NUP210L: variants seen among roughly 807,000 people sequenced by gnomAD.
NUP210L encodes the protein nucleoporin 210 like.
A neutral mutation model predicts 208.5 loss-of-function variants in NUP210L; 74 were observed. The ratio of observed to expected loss-of-function variants is 0.35; its 90% CI spans 0.29 to 0.43. The LOEUF (loss-of-function observed/expected upper bound fraction) is 0.43, where lower values mean the gene tolerates loss of function less well. Ranked by LOEUF, NUP210L falls within the 20% of genes least tolerant of loss-of-function variation. The probability of loss-of-function intolerance (pLI) is 1.00; values close to 1 mark genes in which losing one functional copy is unlikely to be tolerated. For missense variants in NUP210L, 1,843 were observed against 2,289.4 expected, an observed-to-expected ratio of 0.81 and a Z score of 3.98; for synonymous variants, 780 against 816.9, an observed-to-expected ratio of 0.95 and a Z score of 0.77.
At chr1:154,040,310 A>G (rs1175639110) in intron 27 of NUP210L, among the ~76,000 whole-genome samples, 1 of 152,094 alleles carries the variant, frequency 6.6e-6, no homozygotes, top group Non-Finnish European at 1.5e-5. Flanking sequence ...ATGCTGAGGC[A>G]GGAGGATCGC....
At chr1:154,037,028 G>T (rs528244814) in intron 27 of NUP210L, among the ~76,000 whole-genome samples, 1 of 152,268 alleles carries the variant, frequency 6.6e-6, no homozygotes, top group East Asian at 1.9e-4. Flanking sequence ...CTCCCAAAGT[G>T]CTGGGAATTA....
chr1:154,066,689 T>C (rs1654437050), intron 17 of NUP210L, among the ~76,000 whole-genome samples: 1 of 152,050 alleles, frequency 6.6e-6, no homozygotes, highest in African/African-American at 2.4e-5. Context: ...ATTGATAGAC[T>C]GCTAGAAAAA....
chr1:154,054,447 G>A, intron 24 of NUP210L, 40 bp from the exon 25 acceptor site: 3 of 1,578,096 alleles, frequency 1.9e-6, no homozygotes. Flanking sequence ...AGAACATGAG[G>A]GAGAAATCAT....
chr1:154,073,569 C>T (rs529298760), intron 16 of NUP210L, among the ~76,000 whole-genome samples: 6 of 152,050 alleles, frequency 3.9e-5, no homozygotes, highest in African/African-American at 1.4e-4. Context: ...AATCTCAGCA[C>T]TTTGGGATGC....
intron 16 of NUP210L, among the ~76,000 whole-genome samples, chr1:154,083,437 C>T (rs894019758): frequency 5.3e-5 from 8 of 152,148 alleles, no homozygotes; most frequent in African/African-American, 1.9e-4. Context: ...ATTAATTGAA[C>T]CCAAAGAGGT....
chr1:154,060,669 C>T, intron 19 of NUP210L, 28 bp from the exon 20 acceptor site: 1 of 1,440,472 alleles, frequency 6.9e-7, no homozygotes, highest in South Asian at 1.2e-5. Flanking sequence ...AAACAATATT[C>T]TGTTTGCTTC....
In NUP210L at chr1:154,071,538, G is replaced by A. The variant is rs184926664; in HGVS notation, c.2362-1073C>T. 1.7e-3 allele frequency among the ~76,000 whole-genome samples: 259 copies of A among 149,428 alleles called. 3 individuals are homozygous for A. Among genetic ancestry groups the A allele is most frequent in the Non-Finnish European group, 2.9e-3 (197 of 67,724 alleles). ...TTCCTACTTATGAGTAAGAGCACAC[G>A]ATGTTTGGTTTTCCATTCCTGAGCT... On this transcript the variant is annotated intron_variant, in intron 16 of 39. Coordinates refer to ENST00000368559, the Ensembl canonical transcript of NUP210L.
intron 20 of NUP210L, 94 bp from the exon 21 acceptor site, chr1:154,058,787 T>C (rs1653999985): frequency 7.7e-7 from 1 of 1,299,674 alleles, no homozygotes; most frequent in South Asian, 1.4e-5. Context: ...ATAGAAAACA[T>C]CTTGCTTTCT....
intron 22 of NUP210L, among the ~76,000 whole-genome samples, chr1:154,057,690 A>ATGTGTGTGTGTG (rs4060104): frequency 4.6e-4 from 58 of 125,482 alleles, no homozygotes; most frequent in East Asian, 3.3e-3. Flanking sequence ...AGGACCTCGA[A>ATGTGTGTGTGTG]TGTGTGTGTG....
exon 17 of NUP210L, chr1:154,070,302 T>G (rs1315424665): frequency 1.2e-6 from 2 of 1,610,456 alleles, no homozygotes; most frequent in East Asian, 2.2e-5. Context: ...ACTGCCATCA[T>G]CTTTTGCTAC....
intron 17 of NUP210L, among the ~76,000 whole-genome samples, chr1:154,069,971 C>A (rs560714118): frequency 2.0e-5 from 3 of 152,072 alleles, no homozygotes; most frequent in Non-Finnish European, 4.4e-5. Flanking sequence ...AAACACCGCA[C>A]GTTCTCTCTC....
At chr1:154,016,970 A>G (rs563650698) in intron 33 of NUP210L, among the ~76,000 whole-genome samples, 1 of 152,090 alleles carries the variant, frequency 6.6e-6, no homozygotes, top group Admixed American at 6.6e-5. Context: ...CATCTCAAAA[A>G]AAAACAAAAA....
chr1:154,146,115 C>G (rs1362825358), intron 2 of NUP210L, among the ~76,000 whole-genome samples: 5 of 151,866 alleles, frequency 3.3e-5, no homozygotes, highest in Non-Finnish European at 5.9e-5. Context: ...TCTCATAGAA[C>G]TAAAAAGTAA....
At chr1:154,145,082 T>C (rs1006377623) in intron 2 of NUP210L, among the ~76,000 whole-genome samples, 2 of 151,808 alleles carry the variant, frequency 1.3e-5, no homozygotes, top group Non-Finnish European at 2.9e-5. Context: ...CACTCCAGCC[T>C]GGGTGACAGA....
At chr1:154,132,582 A>T (rs886354128) in intron 7 of NUP210L, among the ~76,000 whole-genome samples, 17 of 152,224 alleles carry the variant, frequency 1.1e-4, no homozygotes, top group Non-Finnish European at 1.5e-5. Flanking sequence ...AAAGATAAAT[A>T]AACAGACAAA....
chr1:154,109,111 A>G (rs1217773916), intron 12 of NUP210L, among the ~76,000 whole-genome samples: 8 of 151,660 alleles, frequency 5.3e-5, no homozygotes, highest in Non-Finnish European at 1.0e-4. Flanking sequence ...AAAAACAAAA[A>G]CAAAAACAAA....
chr1:154,092,790 T>C (rs969695810), intron 15 of NUP210L, among the ~76,000 whole-genome samples: 1 of 151,984 alleles, frequency 6.6e-6, no homozygotes. Context: ...AGTGACTAGA[T>C]CATAGCCCAC....
intron 17 of NUP210L, among the ~76,000 whole-genome samples, chr1:154,065,038 T>G (rs1042608929): frequency 6.6e-6 from 1 of 151,442 alleles, no homozygotes; most frequent in Non-Finnish European, 1.5e-5. Context: ...ATTGTGCCAC[T>G]GTATTCCAGC....
chr1:154,122,395 G>T (rs1034765818), intron 10 of NUP210L, among the ~76,000 whole-genome samples: 6 of 152,082 alleles, frequency 3.9e-5, no homozygotes, highest in African/African-American at 1.4e-4. Context: ...GGTGGCTCAC[G>T]CCTGTAATCC....
Sources: allele counts gnomAD v4.1 joint callset (sites outside exome capture counted in the v4.1 genomes callset), GRCh38; gene constraint gnomAD v4.1.1; transcripts MANE v1.5; gene names NCBI Gene and HGNC (gene_info 2026-07-23, HGNC 2026-07-21).